Variants in CNTN5 observed in about 807,000 individuals in gnomAD.
CNTN5 encodes the protein contactin-5.
A neutral mutation model predicts 129.1 loss-of-function variants in CNTN5; 77 were observed. The observed-to-expected ratio is 0.60, with a 90% CI of 0.50 to 0.72. The LOEUF is 0.72. Among genes scored for constraint, CNTN5 ranks in the 30% least tolerant of loss-of-function variants. The probability of loss-of-function intolerance (pLI) is 0.00; values close to 1 mark genes in which losing one functional copy is unlikely to be tolerated. For synonymous variants in CNTN5, 509 were observed against 465.6 expected (o/e 1.09, Z -1.20); for missense variants, 1,478 against 1,328.8 (o/e 1.11, Z -1.75).
rs982516712 is a variant in CNTN5, at chr11:99,369,210, T to A, written c.-71+43726T>A. Among the ~76,000 whole-genome samples, 8 of 56,176 alleles carry A rather than the reference T, an allele frequency of 1.4e-4. 1 individual carries two copies. Among genetic ancestry groups the A allele is most frequent in the African/African-American group, 3.1e-4 (4 of 12,912 alleles). The allele number at this position is 56,176 out of a possible 152,430, so 36.9% of individuals were successfully genotyped here. ...ATATAATATAACATATAATATATAT[T>A]ATATATAATATATATATATGTATTT... On this transcript the variant is annotated intron_variant, in intron 2 of 24. Transcript: ENST00000524871.
At chr11:99,498,291 G>A (rs1219603077) in intron 2 of CNTN5, among the ~76,000 whole-genome samples, 1 of 152,106 alleles carries the variant, frequency 6.6e-6, no homozygotes, top group African/African-American at 2.4e-5. Flanking sequence ...GCAGTTCAGT[G>A]TAAAGTCAGT....
intron 23 of CNTN5, among the ~76,000 whole-genome samples, chr11:100,343,004 TG>T (rs1389455486): frequency 6.6e-6 from 1 of 152,194 alleles, no homozygotes; most frequent in African/African-American, 2.4e-5. Flanking sequence ...AAGAATAATT[TG>T]TATAAAATGC....
At chr11:99,254,063 A>T (rs757531560) in intron 1 of CNTN5, among the ~76,000 whole-genome samples, 3 of 151,816 alleles carry the variant, frequency 2.0e-5, no homozygotes, top group Non-Finnish European at 2.9e-5. Context: ...CATTTAAAAG[A>T]TTGCAGTAAC....
At chr11:100,268,320 G>A (rs1950344412) in intron 17 of CNTN5, among the ~76,000 whole-genome samples, 1 of 152,126 alleles carries the variant, frequency 6.6e-6, no homozygotes. Flanking sequence ...GAGACTGTAT[G>A]TCAACTCCAA....
intron 18 of CNTN5, among the ~76,000 whole-genome samples, chr11:100,289,089 A>G (rs890292644): frequency 6.6e-6 from 1 of 152,166 alleles, no homozygotes; most frequent in African/African-American, 2.4e-5. Flanking sequence ...CAGACCAATA[A>G]CAGGATCTGA....
chr11:99,485,715 C>T (rs2656148), intron 2 of CNTN5, among the ~76,000 whole-genome samples: 1 of 151,654 alleles, frequency 6.6e-6, no homozygotes, highest in South Asian at 2.1e-4. Context: ...ACAAAAAAAA[C>T]CCCTGAATTT....
At chr11:99,205,381 C>G (rs879482787) in intron 1 of CNTN5, among the ~76,000 whole-genome samples, 10 of 152,110 alleles carry the variant, frequency 6.6e-5, no homozygotes, top group Non-Finnish European at 1.5e-4. Context: ...GGTTTGCTCT[C>G]AAGACCCAGA....
chr11:99,855,021 C>T (rs761385828), intron 6 of CNTN5, among the ~76,000 whole-genome samples: 36 of 152,030 alleles, frequency 2.4e-4, no homozygotes, highest in Non-Finnish European at 4.1e-4. Flanking sequence ...TCAAAAAAGA[C>T]CTTTGGGCCA....
At chr11:100,243,562 C>A (rs1949784014) in intron 16 of CNTN5, among the ~76,000 whole-genome samples, 1 of 152,152 alleles carries the variant, frequency 6.6e-6, no homozygotes, top group Admixed American at 6.6e-5. Context: ...TGTGTGGTCA[C>A]CAGCTACACC....
At chr11:99,353,013 G>T (rs150089354) in intron 2 of CNTN5, among the ~76,000 whole-genome samples, 14 of 152,062 alleles carry the variant, frequency 9.2e-5, no homozygotes, top group Non-Finnish European at 2.9e-5. Flanking sequence ...ATCTCTTGTC[G>T]TTCCTTTCTT....
chr11:99,716,048 C>T (rs1955206884), intron 3 of CNTN5, among the ~76,000 whole-genome samples: 1 of 151,664 alleles, frequency 6.6e-6, no homozygotes. Flanking sequence ...GGAAGATTTT[C>T]TTAGAGAAAT....
intron 1 of CNTN5, among the ~76,000 whole-genome samples, chr11:99,323,732 T>C (rs1865666504): frequency 6.6e-6 from 1 of 152,148 alleles, no homozygotes. Context: ...AGATGTGCTG[T>C]TTGCTTAAGT....
intron 1 of CNTN5, among the ~76,000 whole-genome samples, chr11:99,104,327 G>A (rs1866893786): frequency 1.3e-5 from 2 of 151,930 alleles, no homozygotes; most frequent in Admixed American, 6.6e-5. Context: ...ATTTTTGGAT[G>A]TTTAGCAGTA....
chr11:99,240,987 TTACTC>T (rs1458008160), intron 1 of CNTN5, among the ~76,000 whole-genome samples: 1 of 152,222 alleles, frequency 6.6e-6, no homozygotes, highest in Non-Finnish European at 1.5e-5. Context: ...AAGTTAGTAA[TTACTC>T]TAAATCTTTT....
At chr11:99,743,894 C>T (rs576973943) in intron 3 of CNTN5, among the ~76,000 whole-genome samples, 101 of 152,274 alleles carry the variant, frequency 6.6e-4, no homozygotes, top group African/African-American at 2.4e-3. Context: ...CATCTTATTA[C>T]TTAAACCCAT....
At chr11:99,746,484 A>T (rs571806448) in intron 3 of CNTN5, among the ~76,000 whole-genome samples, 1 of 152,240 alleles carries the variant, frequency 6.6e-6, no homozygotes. Flanking sequence ...GACTGTTAGG[A>T]ACTGGGCAGC....
At chr11:99,480,023 A>G (rs377736127) in intron 2 of CNTN5, among the ~76,000 whole-genome samples, 12 of 152,072 alleles carry the variant, frequency 7.9e-5, no homozygotes, top group African/African-American at 2.7e-4. Context: ...GGCTAAAAGT[A>G]GAGATACAAA....
At chr11:99,254,816 A>G (rs551550542) in intron 1 of CNTN5, among the ~76,000 whole-genome samples, 29 of 152,002 alleles carry the variant, frequency 1.9e-4, no homozygotes, top group Admixed American at 4.6e-4. Flanking sequence ...ATGTTACCCC[A>G]ATATTAACAA....
intron 2 of CNTN5, among the ~76,000 whole-genome samples, chr11:99,412,554 C>A (rs1942446518): frequency 6.6e-6 from 1 of 152,134 alleles, no homozygotes. Flanking sequence ...TAGTACTATG[C>A]ACCAGCTACT....
Sources: allele counts gnomAD v4.1 joint callset (sites outside exome capture counted in the v4.1 genomes callset), GRCh38; gene constraint gnomAD v4.1.1; transcripts MANE v1.5; gene names NCBI Gene and HGNC (gene_info 2026-07-23, HGNC 2026-07-21).